ZMYM2: variants seen among roughly 807,000 people sequenced by gnomAD.
ZMYM2 encodes the protein zinc finger MYM-type containing 2.
Under a neutral mutation model 162.8 loss-of-function variants are expected in ZMYM2, and 56 were observed. The ratio of observed to expected loss-of-function variants is 0.34; its 90% confidence interval spans 0.28 to 0.43. The LOEUF (loss-of-function observed/expected upper bound fraction) is 0.43, where lower values mean the gene tolerates loss of function less well. Ranked by LOEUF, ZMYM2 falls within the 20% of genes least tolerant of loss-of-function variation. The pLI is 1.00. For missense variants in ZMYM2, 1,275 were observed against 1,621.8 expected, an observed-to-expected ratio of 0.79 and a Z score of 3.67; for synonymous variants, 510 against 541.6, an observed-to-expected ratio of 0.94 and a Z score of 0.81.
rs182471331 is a variant in ZMYM2, at chr13:20,084,210, A to G, written c.3941+434A>G. Among the ~76,000 whole-genome samples the G allele has an allele frequency of 2.5e-3, 385 of 152,220 alleles. 1 individual carries two copies. Among genetic ancestry groups the G allele is most frequent in the African/African-American group, 9.1e-3 (379 of 41,514 alleles). ...GTATTTTTTGTAGAGACAGGATCTC[A>G]CTGTGTTGCCCAGGCTGGTCTTGAA... On this transcript the variant is annotated intron_variant, in intron 24 of 24. Transcript: ENST00000610343.
At chr13:19,913,270 A>T in the ZMYM2 span, among the ~76,000 whole-genome samples, 8 of 152,172 alleles carry the variant, frequency 5.3e-5, no homozygotes, top group African/African-American at 1.9e-4. Context: ...CTTTCTTGAG[A>T]CTGAATCCTT....
At chr13:19,889,161 T>G in the ZMYM2 span, among the ~76,000 whole-genome samples, 1 of 151,890 alleles carries the variant, frequency 6.6e-6, no homozygotes, top group African/African-American at 2.4e-5. Flanking sequence ...ATTTAGCTGG[T>G]TAGTTTTGAG....
chr13:19,931,548 G>T, the ZMYM2 span, among the ~76,000 whole-genome samples: 41 of 152,272 alleles, frequency 2.7e-4, no homozygotes, highest in African/African-American at 8.7e-4. Flanking sequence ...TTTCCAGAAT[G>T]TCATATAGTT....
intron 2 of ZMYM2, among the ~76,000 whole-genome samples, chr13:19,988,017 A>G (rs1270849448): frequency 1.3e-5 from 2 of 152,242 alleles, no homozygotes; most frequent in African/African-American, 2.4e-5. Flanking sequence ...TGAGAGGAAT[A>G]GAGACTGGTT....
chr13:20,027,153 CT>C, intron 8 of ZMYM2, 49 bp from the exon 9 acceptor site: 1 of 1,376,976 alleles, frequency 7.3e-7, no homozygotes, highest in Non-Finnish European at 9.7e-7. Context: ...GATAAAAAAA[CT>C]TTTTTATTAC....
chr13:20,033,855 C>A (rs1474982233), intron 10 of ZMYM2, among the ~76,000 whole-genome samples: 1 of 152,146 alleles, frequency 6.6e-6, no homozygotes, highest in Non-Finnish European at 1.5e-5. Context: ...TGTGATGGAG[C>A]CTACTTGTTT....
At chr13:19,989,435 C>G (rs1235864324) in intron 2 of ZMYM2, among the ~76,000 whole-genome samples, 1 of 152,080 alleles carries the variant, frequency 6.6e-6, no homozygotes, top group Admixed American at 6.6e-5. Flanking sequence ...TCCTGAGTAG[C>G]TGGAATTACA....
intron 21 of ZMYM2, among the ~76,000 whole-genome samples, chr13:20,074,030 A>G (rs1957288225): frequency 1.3e-5 from 2 of 152,032 alleles, no homozygotes; most frequent in Admixed American, 1.3e-4. Context: ...TTCCTTCTCT[A>G]CTGAGCCCTG....
intron 2 of ZMYM2, among the ~76,000 whole-genome samples, chr13:19,971,490 G>A (rs1006474060): frequency 1.3e-5 from 2 of 151,380 alleles, no homozygotes; most frequent in South Asian, 2.1e-4. Context: ...GGCTGGTCTC[G>A]AACTCCTGAT....
the ZMYM2 span, among the ~76,000 whole-genome samples, chr13:19,936,615 G>T: frequency 6.6e-6 from 1 of 152,002 alleles, no homozygotes; most frequent in South Asian, 2.1e-4. Flanking sequence ...CCAGCTACTC[G>T]AGAGGCTGAG....
the ZMYM2 span, among the ~76,000 whole-genome samples, chr13:19,869,796 AAAAT>A: frequency 7.2e-5 from 11 of 152,308 alleles, no homozygotes; most frequent in Admixed American, 3.3e-4. Flanking sequence ...TCAAACCAAA[AAAAT>A]AAATAAATAA....
the ZMYM2 span, among the ~76,000 whole-genome samples, chr13:19,896,408 T>C: frequency 0.91 from 137,552 of 150,792 alleles, 64,057 homozygotes; most frequent in East Asian, 1. Context: ...CCTCACAAAG[T>C]GTTGGGATTA....
intron 10 of ZMYM2, 45 bp downstream of exon 10, chr13:20,031,480 A>G: frequency 8.0e-7 from 1 of 1,248,842 alleles, no homozygotes; most frequent in East Asian, 2.7e-5. Flanking sequence ...CTAAAAAGAA[A>G]GTCTAGTAAA....
At chr13:20,080,342 G>C (rs1383611564) in intron 21 of ZMYM2, among the ~76,000 whole-genome samples, 2 of 152,060 alleles carry the variant, frequency 1.3e-5, no homozygotes. Context: ...TCAGATGATG[G>C]CATTCTTATG....
chr13:19,974,327 T>C (rs1004694943), intron 2 of ZMYM2, among the ~76,000 whole-genome samples: 25 of 152,344 alleles, frequency 1.6e-4, no homozygotes, highest in African/African-American at 4.3e-4. Flanking sequence ...TTGATCCTTA[T>C]TAGCATGTAA....
chr13:20,079,367 C>A lies in ZMYM2; in HGVS notation c.3454-2649C>A, dbSNP rs559999697. Among the ~76,000 whole-genome samples the A allele has an allele frequency of 1.4e-4, 17 of 120,966 alleles. No homozygotes were observed. The South Asian group carries it at 5.0e-3, about 36-fold the overall frequency. 79.4% of individuals were successfully genotyped at this position (120,966 alleles called of 152,430 possible). On this transcript the variant is annotated intron_variant, in intron 21 of 24. Transcript: ENST00000610343. ...AAGGATACTTAATGAATTCAAATCC[C>A]ATAATTGAAGACTTTCTGTGATGAT...
At chr13:20,081,844 T>C (rs1474384366) in intron 21 of ZMYM2, among the ~76,000 whole-genome samples, 172 bp from the exon 22 acceptor site, 1 of 152,118 alleles carries the variant, frequency 6.6e-6, no homozygotes, top group Non-Finnish European at 1.5e-5. Flanking sequence ...TGTTGATAAT[T>C]TATGATTCTT....
chr13:19,993,238 G>A lies in ZMYM2; in HGVS notation c.166G>A (p.Asp56Asn). The A allele has an allele frequency of 1.2e-6, 2 of 1,613,956 alleles. No individual in the cohort carries two copies. Among genetic ancestry groups the A allele is most frequent in the Non-Finnish European group, 1.7e-6 (2 of 1,179,888 alleles). Residue 56 changes from aspartate (D) to asparagine (N), a missense_variant, in exon 3 of 25, where the codon GAT becomes AAT. Around this residue, in one of 10 missense-constraint regions of ZMYM2, gnomAD observed 295 missense variants for 286.7 expected, o/e 1.03. Coordinates refer to ENST00000610343, the MANE Select transcript of ZMYM2 (RefSeq NM_197968.4). ...TAAGTTTCAGAACTCGTCAGTGGAA[G>A]ATGATGATGATGTTGTTTTTATCGA... ...SNKFQNSSVE[D>N]DDDVVFIEPV...
the ZMYM2 span, among the ~76,000 whole-genome samples, chr13:19,917,922 G>A: frequency 6.6e-6 from 1 of 151,938 alleles, no homozygotes; most frequent in Non-Finnish European, 1.5e-5. Flanking sequence ...AGCTGGGCAT[G>A]GTGGCTTGCC....
Sources: allele counts gnomAD v4.1 joint callset (sites outside exome capture counted in the v4.1 genomes callset), GRCh38; gene constraint gnomAD v4.1.1; regional missense constraint gnomAD v4.1.1; transcripts MANE v1.5; gene names NCBI Gene and HGNC (gene_info 2026-07-23, HGNC 2026-07-21).